CSMD3: variants seen among roughly 807,000 people sequenced by gnomAD.
CSMD3 encodes CUB and sushi domain-containing protein 3.
Under a neutral mutation model 435.2 loss-of-function variants are expected in CSMD3, and 177 were observed. The ratio of observed to expected loss-of-function variants is 0.41; its 90% CI spans 0.36 to 0.46. The LOEUF (loss-of-function observed/expected upper bound fraction) is 0.46, where lower values mean the gene tolerates loss of function less well. CSMD3 is among the 20% of genes least tolerant of loss of function. The pLI, the probability that CSMD3 is intolerant of heterozygous loss-of-function variation, is 0.34. For synonymous variants in CSMD3, 1,656 were observed against 1,520.5 expected (o/e 1.09, Z -2.07); for missense variants, 4,265 against 4,504.6 (o/e 0.95, Z 1.52).
rs191689739 is a variant in CSMD3, at chr8:112,519,201, T to A, written c.4565-1976A>T. Among the ~76,000 whole-genome samples the A allele has an allele frequency of 1.1e-3, 172 of 152,222 alleles. 1 individual carries two copies. The highest frequency in any genetic ancestry group is 3.9e-3 in the African/African-American group (162 of 41,530). On this transcript the variant is annotated intron_variant, in intron 27 of 70. Transcript: ENST00000297405. ...GATGTTCGACTAATAAAACACATCT[T>A]TGTTTTATTAGATTTTAAGTCTGCC...
At chr8:112,998,363 T>C (rs150728421) in intron 6 of CSMD3, among the ~76,000 whole-genome samples, 63 of 152,098 alleles carry the variant, frequency 4.1e-4, no homozygotes, top group African/African-American at 1.4e-3. Flanking sequence ...TTCTATCTTA[T>C]CTTCTTTGCT....
chr8:113,248,464 GTGTGATATATATGTATA>G (rs1334500293), intron 3 of CSMD3, among the ~76,000 whole-genome samples: 1,056 of 2,454 alleles, frequency 0.43, 20 homozygotes, highest in African/African-American at 0.47. Context: ...ATATGTGTGT[GTGTGATATATATGTATA>G]TATACATATA....
chr8:112,228,290 A>G (rs1812766581), intron 70 of CSMD3, among the ~76,000 whole-genome samples: 1 of 152,188 alleles, frequency 6.6e-6, no homozygotes, highest in Non-Finnish European at 1.5e-5. Flanking sequence ...ATGAATGAGA[A>G]GATTAGAGGA....
chr8:113,125,260 C>A (rs2091093581), intron 4 of CSMD3, among the ~76,000 whole-genome samples: 1 of 151,932 alleles, frequency 6.6e-6, no homozygotes, highest in Admixed American at 6.6e-5. Context: ...ACTGGGCCCA[C>A]TGGTTTGCAT....
rs370872473 is a variant in CSMD3, at chr8:113,060,241, G to A, written c.917+38515C>T. 3.7e-4 allele frequency among the ~76,000 whole-genome samples: 51 copies of A among 138,832 alleles called. No homozygotes were observed. The East Asian group carries it at 0.011, about 29-fold the overall frequency. The allele number at this position is 138,832 out of a possible 152,430, so 91.1% of individuals were successfully genotyped here. ...TTCCCACCTATGAGTGAGAATATGC[G>A]GTGTTTGGTTTTTTGTTCTTGCGAT... On this transcript the variant is annotated intron_variant, in intron 5 of 70. Coordinates refer to ENST00000297405, the MANE Select transcript of CSMD3 (RefSeq NM_198123.2).
intron 20 of CSMD3, among the ~76,000 whole-genome samples, chr8:112,640,465 G>T (rs1226081573): frequency 2.0e-5 from 3 of 151,942 alleles, no homozygotes; most frequent in Non-Finnish European, 4.4e-5. Flanking sequence ...CAAAACAAAT[G>T]ATTGAAAACA....
intron 38 of CSMD3, among the ~76,000 whole-genome samples, chr8:112,369,282 T>C (rs780821051): frequency 5.3e-5 from 8 of 152,124 alleles, no homozygotes; most frequent in Non-Finnish European, 8.8e-5. Flanking sequence ...ATATAAACTT[T>C]TAGATTTGTT....
chr8:112,303,849 C>G (rs1821157053), intron 52 of CSMD3, among the ~76,000 whole-genome samples: 1 of 151,986 alleles, frequency 6.6e-6, no homozygotes, highest in African/African-American at 2.4e-5. Context: ...CTAGGTAGAC[C>G]TTTGATCTCT....
chr8:112,231,545 C>A lies in CSMD3; in HGVS notation c.10828G>T (p.Gly3610Ter). The A allele has an allele frequency of 6.4e-7, 1 of 1,568,826 alleles. No homozygotes were observed. The highest frequency in any genetic ancestry group is 8.8e-7 in the Non-Finnish European group (1 of 1,138,944). Residue 3610 changes from glycine to a stop codon, truncating the protein, a stop_gained and splice_region_variant, in exon 69 of 71, where the codon GGA becomes TGA. Transcript: ENST00000297405. LOFTEE classifies it high-confidence loss of function. ...GTGAAAATCAAAATGAATACATTACCCAGTCTTTGTAGGCCAAATTGTCCA... is the reference window on the plus strand; with the variant it reads ...GTGAAAATCAAAATGAATACATTACACAGTCTTTGTAGGCCAAATTGTCCA... ...DYGQFGLQRLGLNMSEGSNSS... is the reference protein window; with the variant it reads ...DYGQFGLQRL
chr8:112,421,225 A>G, intron 32 of CSMD3, among the ~76,000 whole-genome samples: 1 of 151,970 alleles, frequency 6.6e-6, no homozygotes, highest in East Asian at 1.9e-4. Context: ...TCACTATAAA[A>G]TGCTACCATT....
intron 1 of CSMD3, among the ~76,000 whole-genome samples, chr8:113,398,238 A>G (rs969635255): frequency 6.6e-6 from 1 of 152,210 alleles, no homozygotes; most frequent in African/African-American, 2.4e-5. Flanking sequence ...GGTATGAAAT[A>G]ATTATATTAA....
intron 38 of CSMD3, among the ~76,000 whole-genome samples, chr8:112,379,800 A>G (rs189429736): frequency 6.6e-6 from 1 of 152,334 alleles, no homozygotes; most frequent in Admixed American, 6.5e-5. Flanking sequence ...ACAGTGTAGT[A>G]CCGGATAAAA....
At chr8:112,652,561 T>C (rs981040352) in intron 18 of CSMD3, among the ~76,000 whole-genome samples, 1 of 152,196 alleles carries the variant, frequency 6.6e-6, no homozygotes, top group Non-Finnish European at 1.5e-5. Context: ...TTCTTGGCTT[T>C]TCAACTGATA....
intron 69 of CSMD3, among the ~76,000 whole-genome samples, chr8:112,230,877 G>C (rs1252153646): frequency 6.6e-6 from 1 of 152,088 alleles, no homozygotes; most frequent in African/African-American, 2.4e-5. Context: ...TTTAGAGCCT[G>C]AATTTATTCT....
intron 44 of CSMD3, 34 bp downstream of exon 44, chr8:112,336,618 A>C (rs201055276): frequency 2.0e-6 from 3 of 1,478,808 alleles, no homozygotes; most frequent in Non-Finnish European, 2.8e-6. Context: ...TGTGTATATA[A>C]TTGAATAAAT....
At chr8:112,394,973 C>G (rs1466040038) in intron 35 of CSMD3, among the ~76,000 whole-genome samples, 1 of 152,108 alleles carries the variant, frequency 6.6e-6, no homozygotes, top group African/African-American at 2.4e-5. Context: ...TTCAAATTAC[C>G]TCTTTATCAT....
At chr8:112,624,289 A>C (rs545648851) in intron 22 of CSMD3, among the ~76,000 whole-genome samples, 19 of 152,228 alleles carry the variant, frequency 1.2e-4, no homozygotes, top group African/African-American at 4.3e-4. Context: ...GAAATTCAGT[A>C]AACAAATTCA....
chr8:113,006,106 A>G (rs1363262106), intron 6 of CSMD3, among the ~76,000 whole-genome samples: 1 of 152,032 alleles, frequency 6.6e-6, no homozygotes, highest in Non-Finnish European at 1.5e-5. Flanking sequence ...ACTTTCCTGC[A>G]AAACAACTTG....
chr8:112,928,997 G>T (rs2083006894), intron 9 of CSMD3, among the ~76,000 whole-genome samples: 1 of 143,360 alleles, frequency 7.0e-6, no homozygotes, highest in South Asian at 2.3e-4. Context: ...GTGTGAGATG[G>T]TATCTCATTG....
Sources: allele counts gnomAD v4.1 joint callset (sites outside exome capture counted in the v4.1 genomes callset), GRCh38; gene constraint gnomAD v4.1.1; transcripts MANE v1.5; gene names NCBI Gene and HGNC (gene_info 2026-07-23, HGNC 2026-07-21).